The following NXPE2 variants were observed in gnomAD, a reference collection of about 807,000 sequenced individuals.
NXPE2 encodes NXPE family member 2.
In NXPE2, 34 loss-of-function variants were observed where a neutral mutation model predicts 34.4. The ratio of observed to expected loss-of-function variants is 0.99; its 90% CI spans 0.75 to 1.31. The LOEUF is 1.31. Ranked by LOEUF, NXPE2 falls within the 40% of genes most tolerant of loss-of-function variation. NXPE2 has a pLI of 0.00. For synonymous variants in NXPE2, 235 were observed against 231.3 expected, an observed-to-expected ratio of 1.02 and a Z score of -0.15; for missense variants, 649 against 672.5, an observed-to-expected ratio of 0.97 and a Z score of 0.39.
the NXPE2 span, among the ~76,000 whole-genome samples, chr11:114,803,636 G>C: frequency 6.6e-6 from 1 of 151,024 alleles, no homozygotes; most frequent in African/African-American, 2.4e-5. Context: ...GAGCACAGTG[G>C]CACAATCTGG....
chr11:114,619,895 T>C, the NXPE2 span, among the ~76,000 whole-genome samples: 1 of 149,606 alleles, frequency 6.7e-6, no homozygotes, highest in African/African-American at 2.5e-5. Flanking sequence ...AGAATTCTTA[T>C]CCTGTGGAAA....
chr11:114,557,744 T>C, the NXPE2 span, among the ~76,000 whole-genome samples: 2 of 150,556 alleles, frequency 1.3e-5, no homozygotes, highest in African/African-American at 4.9e-5. Flanking sequence ...TTCTCTACTG[T>C]CATTTGGGAG....
chr11:114,709,056 C>A (rs557986525), downstream of NXPE2, among the ~76,000 whole-genome samples: 1 of 152,144 alleles, frequency 6.6e-6, no homozygotes, highest in African/African-American at 2.4e-5. Context: ...AAAAGAGGGT[C>A]TATTATTTCT....
At chr11:114,767,728 T>C in the NXPE2 span, among the ~76,000 whole-genome samples, 11 of 152,180 alleles carry the variant, frequency 7.2e-5, no homozygotes, top group Non-Finnish European at 1.5e-4. Context: ...ACAGATGCTA[T>C]GCTCTCCATG....
the NXPE2 span, among the ~76,000 whole-genome samples, chr11:114,644,565 A>G: frequency 6.6e-6 from 1 of 152,170 alleles, no homozygotes; most frequent in African/African-American, 2.4e-5. Context: ...TACAACATCT[A>G]AAATTAAAAT....
rs567717523 is a variant in NXPE2, at chr11:114,693,589, G to A, written c.133-4456G>A. ...AACCAAAGCCCACAAAAGGTGGGTT[G>A]AAACTTGCAGCCTTAACCTAACGAA... On this transcript the variant is annotated intron_variant, in intron 2 of 5. Coordinates refer to ENST00000389586, the MANE Select transcript of NXPE2 (RefSeq NM_182495.6). 8.6e-4 allele frequency among the ~76,000 whole-genome samples: 131 copies of A among 152,312 alleles called. No homozygotes were observed. In the South Asian group the frequency reaches 0.014, roughly 16 times the overall value.
At chr11:114,539,184 C>T in the NXPE2 span, among the ~76,000 whole-genome samples, 1 of 150,218 alleles carries the variant, frequency 6.7e-6, no homozygotes, top group East Asian at 2.0e-4. Flanking sequence ...ATCACAAGGA[C>T]AAAAAACCAA....
At chr11:114,701,003 C>A (rs1232362676) in intron 3 of NXPE2, among the ~76,000 whole-genome samples, 3 of 152,152 alleles carry the variant, frequency 2.0e-5, no homozygotes, top group African/African-American at 7.2e-5. Context: ...CTGGGCACAA[C>A]TGACCCTACA....
chr11:114,794,646 G>A, the NXPE2 span, among the ~76,000 whole-genome samples: 1 of 152,308 alleles, frequency 6.6e-6, no homozygotes, highest in East Asian at 1.9e-4. Context: ...TGCTGTAGGT[G>A]CAATCTGTCT....
At chr11:114,739,359 C>A in the NXPE2 span, among the ~76,000 whole-genome samples, 52 of 71,154 alleles carry the variant, frequency 7.3e-4, 1 homozygote, top group African/African-American at 2.6e-3. Context: ...TCTCTCCCTC[C>A]CTCCCTCCCT....
the NXPE2 span, among the ~76,000 whole-genome samples, chr11:114,649,129 A>AT: frequency 1.4e-5 from 2 of 140,530 alleles, no homozygotes; most frequent in Admixed American, 7.3e-5. Flanking sequence ...TCAGCTTGTC[A>AT]TGTTTTTTTT....
the NXPE2 span, among the ~76,000 whole-genome samples, chr11:114,712,453 A>C: frequency 6.6e-6 from 1 of 152,236 alleles, no homozygotes; most frequent in African/African-American, 2.4e-5. Context: ...AAAATTGGCA[A>C]AGAAGTTGAA....
chr11:114,558,731 A>G, the NXPE2 span, among the ~76,000 whole-genome samples: 1 of 152,172 alleles, frequency 6.6e-6, no homozygotes, highest in Non-Finnish European at 1.5e-5. Flanking sequence ...GTGCTATGTA[A>G]GAGTACAAAT....
At chr11:114,668,908 T>C in the NXPE2 span, among the ~76,000 whole-genome samples, 3 of 152,094 alleles carry the variant, frequency 2.0e-5, no homozygotes, top group Admixed American at 6.6e-5. Flanking sequence ...ACAACACTTA[T>C]TTAAGAAAAA....
the NXPE2 span, among the ~76,000 whole-genome samples, chr11:114,616,080 T>G: frequency 6.6e-6 from 1 of 151,686 alleles, no homozygotes; most frequent in Admixed American, 6.6e-5. Context: ...TAAACACTGT[T>G]ACCTGCTGCA....
chr11:114,785,250 A>G, the NXPE2 span, among the ~76,000 whole-genome samples: 1 of 152,108 alleles, frequency 6.6e-6, no homozygotes, highest in Non-Finnish European at 1.5e-5. Flanking sequence ...ATGAGACCTT[A>G]GAAGTCTTCC....
chr11:114,631,163 C>T, the NXPE2 span, among the ~76,000 whole-genome samples: 274 of 152,066 alleles, frequency 1.8e-3, 2 homozygotes, highest in South Asian at 0.011. Flanking sequence ...CCCAGCCATC[C>T]CATTACTGGG....
downstream of NXPE2, among the ~76,000 whole-genome samples, chr11:114,709,649 A>G (rs1424300916): frequency 6.6e-6 from 1 of 152,194 alleles, no homozygotes; most frequent in Non-Finnish European, 1.5e-5. Context: ...GCTAGTGCCT[A>G]TAATTCCAGC....
the NXPE2 span, among the ~76,000 whole-genome samples, chr11:114,555,506 T>A: frequency 2.0e-5 from 3 of 152,222 alleles, no homozygotes; most frequent in African/African-American, 7.2e-5. Context: ...ATTACAGGCG[T>A]GAGCCACCAC....
Sources: gnomAD v4.1 joint callset for allele counts (sites outside exome capture counted in the v4.1 genomes callset) on GRCh38, gnomAD v4.1.1 for gene constraint, MANE v1.5 for transcripts, NCBI Gene and HGNC (gene_info 2026-07-23, HGNC 2026-07-21) for gene names.